The following TRRAP variants were observed in gnomAD, a reference collection of about 807,000 sequenced individuals.
TRRAP encodes transformation/transcription domain associated protein, also known as transformation/transcription domain-associated protein.
In TRRAP, 41 loss-of-function variants were observed where a neutral mutation model predicts 438.8. The observed-to-expected ratio is 0.09, with a 90% confidence interval of 0.07 to 0.12. TRRAP has a LOEUF of 0.12. Among genes scored for constraint, TRRAP ranks in the 10% least tolerant of loss-of-function variants. The pLI is 1.00. For missense variants in TRRAP, 3,122 were observed against 5,055.1 expected, an observed-to-expected ratio of 0.62 and a Z score of 11.60; for synonymous variants, 1,994 against 1,962.9, an observed-to-expected ratio of 1.02 and a Z score of -0.42.
chr7:98,925,243 C>T lies in TRRAP; in HGVS notation c.2955C>T (p.Tyr985=), dbSNP rs782121336. 43 of 1,613,918 alleles carry T rather than the reference C, an allele frequency of 2.7e-5. No homozygotes were observed. The South Asian group carries it at 4.6e-4, about 17-fold the overall frequency. Residue 985 remains tyrosine, a synonymous_variant, in exon 22 of 73, where the codon TAC becomes TAT. Coordinates refer to ENST00000456197, the MANE Select transcript of TRRAP (RefSeq NM_001375524.1). ...MSLEDNKHAL[Y]QLLAHPNFTE... ...TGGAGGACAACAAGCACGCACTCTACCAGCTCCTGGCACACCCCAAGTATG... is the reference window on the plus strand; with the variant it reads ...TGGAGGACAACAAGCACGCACTCTATCAGCTCCTGGCACACCCCAAGTATG...
intron 31 of TRRAP, among the ~76,000 whole-genome samples, chr7:98,943,904 TGGA>T: frequency 6.6e-6 from 1 of 152,320 alleles, no homozygotes. Context: ...CATCCTAACT[TGGA>T]TTTTTCTTTT....
intron 31 of TRRAP, among the ~76,000 whole-genome samples, chr7:98,944,363 AAAAAT>A (rs1790945260): frequency 6.6e-6 from 1 of 152,238 alleles, no homozygotes; most frequent in Non-Finnish European, 1.5e-5. Flanking sequence ...CCTAGTAAAA[AAAAAT>A]AAAATATTTC....
chr7:98,978,743 T>C (rs1357436797), intron 57 of TRRAP, 26 bp from the exon 58 acceptor site: 1 of 1,613,784 alleles, frequency 6.2e-7, no homozygotes, highest in Admixed American at 1.7e-5. Context: ...GATTGAGCTT[T>C]TGCTCTGGGA....
chr7:98,997,482 G>T (rs1475651200), intron 67 of TRRAP, among the ~76,000 whole-genome samples: 7 of 39,314 alleles, frequency 1.8e-4, no homozygotes, highest in Non-Finnish European at 3.1e-4. Context: ...CACTGCTGTT[G>T]CAAAAAAAAA....
rs1554407864 is a variant in TRRAP, at chr7:98,908,312, G to A, written c.1116-416G>A. Among the ~76,000 whole-genome samples, 1 of 152,148 alleles carries A rather than the reference G, an allele frequency of 6.6e-6. No individual in the cohort carries two copies. The highest frequency in any genetic ancestry group is 2.4e-5 in the African/African-American group (1 of 41,436). ...CACATGACAGGTGTCCTTGTGTTTA[G>A]TGAGGGAAAAAACTAGTAGCCTGAA... On this transcript the variant is annotated intron_variant, in intron 13 of 72. Coordinates refer to ENST00000456197, the MANE Select transcript of TRRAP (RefSeq NM_001375524.1). This position sits in a 1 kb window ranked among gnomAD's most constrained non-coding sequence, Gnocchi z 4.1.
At chr7:98,898,013 G>A in intron 8 of TRRAP, 147 bp downstream of exon 8, 1 of 1,326,150 alleles carries the variant, frequency 7.5e-7, no homozygotes, top group Non-Finnish European at 1.0e-6. Flanking sequence ...CTTCTCTGCA[G>A]CCTGGGAGGG....
chr7:99,005,021 C>T lies in TRRAP; in HGVS notation c.10536-110C>T, dbSNP rs993233921. Reference sequence around the variant, plus strand: ...AAATAAATTGATAAACGACCGCTGGCCTACACAGTCCGTTTTCCCGTGACA... The same window carrying T: ...AAATAAATTGATAAACGACCGCTGGTCTACACAGTCCGTTTTCCCGTGACA... On this transcript the variant is annotated intron_variant, in intron 68 of 72. Transcript: ENST00000456197. The surrounding 1 kb of genome is among the most constrained non-coding windows in gnomAD (Gnocchi z 5.1). The T allele has an allele frequency of 2.8e-6, 3 of 1,059,888 alleles. No individual in the cohort carries two copies. The African/African-American group carries it at 4.7e-5, about 16-fold the overall frequency. 65.7% of individuals were successfully genotyped at this position (1,059,888 alleles called of 1,614,324 possible).
chr7:98,894,785 T>TG (rs1463684390), intron 6 of TRRAP, among the ~76,000 whole-genome samples: 6 of 16,922 alleles, frequency 3.5e-4, no homozygotes, highest in African/African-American at 4.1e-4. Flanking sequence ...AGCTAATGGT[T>TG]TTTTTTTTTT....
intron 30 of TRRAP, among the ~76,000 whole-genome samples, chr7:98,940,345 C>T (rs1359226631): frequency 6.6e-6 from 1 of 152,004 alleles, no homozygotes; most frequent in Non-Finnish European, 1.5e-5. Flanking sequence ...CCTGCCGCCA[C>T]GCCCAGCTAA....
intron 44 of TRRAP, 83 bp from the exon 45 acceptor site, chr7:98,959,261 G>A (rs543377585): frequency 3.2e-6 from 5 of 1,561,902 alleles, no homozygotes; most frequent in South Asian, 2.4e-5. Context: ...AAGGGCCAGG[G>A]CACAGTTGAG....
intron 1 of TRRAP, among the ~76,000 whole-genome samples, chr7:98,880,645 G>T (rs2116218523): frequency 6.6e-6 from 1 of 152,200 alleles, no homozygotes; most frequent in Non-Finnish European, 1.5e-5. Context: ...GATATTTCAT[G>T]GTAAATGAGA....
In TRRAP at chr7:98,921,789, A is replaced by G; in HGVS notation, c.2659A>G (p.Ile887Val). The change falls in exon 21 of 73, where the codon ATC becomes GTC. Residue 887 changes from isoleucine to valine, a missense_variant. Transcript: ENST00000456197. ...WRTLRNPADS[I>V]SHVAYRVLGK... Reference sequence around the variant, plus strand: ...CACCTTACGCAACCCTGCTGACAGCATCTCCCACGTGGCCTACCGTGTGCT... The same window carrying G: ...CACCTTACGCAACCCTGCTGACAGCGTCTCCCACGTGGCCTACCGTGTGCT... The G allele has an allele frequency of 5.0e-6, 8 of 1,614,216 alleles. No homozygotes were observed. In the Middle Eastern group the frequency reaches 9.9e-4, roughly 200 times the overall value.
At chr7:98,935,002 A>G (rs908810329) in intron 27 of TRRAP, among the ~76,000 whole-genome samples, 2 of 152,184 alleles carry the variant, frequency 1.3e-5, no homozygotes, top group Non-Finnish European at 2.9e-5. Flanking sequence ...AGAAGGGGGA[A>G]ATAGTGATAG....
rs967106290 is a variant in TRRAP at position 98,964,725 on chromosome 7, G to A, written c.6926G>A (p.Arg2309Gln). ...ATGCGCTCCCTGCAGAAGATGGTCC[G>A]GGAGCATTTAAACCCTCAGGCAGCG... ...VFMRSLQKMV[R>Q]EHLNPQAASG... Residue 2309 changes from arginine to glutamine, a missense_variant, in exon 48 of 73, where the codon CGG becomes CAG. Transcript: ENST00000456197. 3.1e-6 allele frequency: 5 copies of A among 1,613,468 alleles called. No individual in the cohort carries two copies. Among genetic ancestry groups the A allele is most frequent in the South Asian group, 1.1e-5 (1 of 90,924 alleles).
intron 23 of TRRAP, among the ~76,000 whole-genome samples, chr7:98,928,090 T>C (rs1206393969): frequency 7.9e-5 from 12 of 151,904 alleles, no homozygotes; most frequent in Non-Finnish European, 1.6e-4. Flanking sequence ...AATACCAAAT[T>C]AGCTGGGCAT....
rs1363054161 is a variant in TRRAP at position 98,950,346 on chromosome 7, T to A, written c.5334+84T>A. On this transcript the variant is annotated intron_variant, in intron 38 of 72. Coordinates refer to ENST00000456197, the MANE Select transcript of TRRAP (RefSeq NM_001375524.1). The stretch of plus-strand genomic sequence containing the variant: ...ACTTTGGGCCCTTTTCTTTTTTTGC[T>A]GTGTCACTCTTGAATAAATAGTAGA... The A allele has an allele frequency of 2.7e-6, 4 of 1,486,186 alleles. No homozygotes were observed. The Admixed American group carries it at 7.7e-5, about 29-fold the overall frequency. The allele number at this position is 1,486,186 out of a possible 1,614,324, so 92.1% of individuals were successfully genotyped here.
Position 98,967,554 on chromosome 7 carries a change from T to C in TRRAP, c.7368T>C (p.Cys2456=), listed in dbSNP as rs1321200749. Residue 2456 remains cysteine (C), a synonymous_variant, in exon 51 of 73, where the codon TGT becomes TGC. Coordinates refer to ENST00000456197, the MANE Select transcript of TRRAP (RefSeq NM_001375524.1). ...LEPAFLSGLR[C]AQPLIRAKFF... Reference sequence around the variant, plus strand: ...CTGCCTTTCTCTCTGGGCTGCGCTGTGCCCAGCCACTCATCAGGGCAAAGT... The same window carrying C: ...CTGCCTTTCTCTCTGGGCTGCGCTGCGCCCAGCCACTCATCAGGGCAAAGT... The C allele has an allele frequency of 1.9e-6, 3 of 1,614,138 alleles. No homozygotes were observed. The Admixed American group carries it at 5.0e-5, about 27-fold the overall frequency.
chr7:98,905,452 T>C (rs1245590747), intron 12 of TRRAP, among the ~76,000 whole-genome samples: 1 of 152,210 alleles, frequency 6.6e-6, no homozygotes, highest in Non-Finnish European at 1.5e-5. Flanking sequence ...GATGATTGTA[T>C]TAATAGAACT....
intron 3 of TRRAP, 86 bp downstream of exon 3, chr7:98,882,110 G>A (rs1240747075): frequency 9.0e-7 from 1 of 1,105,880 alleles, no homozygotes; most frequent in Non-Finnish European, 1.3e-6. Context: ...CTTTTTACTA[G>A]CAACTCAAAG....
Sources: allele counts gnomAD v4.1 joint callset (sites outside exome capture counted in the v4.1 genomes callset), GRCh38; gene constraint gnomAD v4.1.1; non-coding constraint Gnocchi (gnomAD v3.1); transcripts MANE v1.5; gene names NCBI Gene and HGNC (gene_info 2026-07-23, HGNC 2026-07-21).